Variants in EVC2 observed in about 807,000 individuals in gnomAD.
The protein encoded by EVC2 is limbin.
In EVC2, 148 loss-of-function variants were observed where a neutral mutation model predicts 149.3. The observed-to-expected ratio is 0.99, with a 90% CI of 0.87 to 1.14. The LOEUF is 1.14. Ranked by LOEUF, EVC2 falls within the 50% of genes most tolerant of loss-of-function variation. EVC2 has a pLI of 0.00. For synonymous variants in EVC2, 776 were observed against 649.9 expected, an observed-to-expected ratio of 1.19 and a Z score of -2.95; for missense variants, 1,854 against 1,627.3, an observed-to-expected ratio of 1.14 and a Z score of -2.40.
chr4:5,536,570 G>T, the EVC2 span, among the ~76,000 whole-genome samples: 150 of 152,236 alleles, frequency 9.9e-4, no homozygotes, highest in African/African-American at 3.4e-3. Context: ...AGATCACGAG[G>T]TCAGGAGATC....
intron 1 of EVC2, among the ~76,000 whole-genome samples, chr4:5,700,713 C>T (rs867851697): frequency 4.6e-5 from 7 of 152,288 alleles, no homozygotes; most frequent in African/African-American, 1.7e-4. Flanking sequence ...CCACTCTGGG[C>T]AACCGCTCCC....
intron 21 of EVC2, among the ~76,000 whole-genome samples, chr4:5,549,224 T>C (rs1220455356): frequency 2.6e-5 from 4 of 152,238 alleles, no homozygotes; most frequent in Non-Finnish European, 4.4e-5. Context: ...CAACTAGCCA[T>C]CATTGATTAG....
chr4:5,585,602 T>C (rs189499802), intron 16 of EVC2, among the ~76,000 whole-genome samples: 38 of 152,306 alleles, frequency 2.5e-4, no homozygotes, highest in African/African-American at 7.2e-4. Flanking sequence ...AACAGCTTAA[T>C]TGAGGTATAA....
intron 9 of EVC2, among the ~76,000 whole-genome samples, chr4:5,650,638 T>TATATATATATAGAGAGAGAGAG (rs1162935817): frequency 4.4e-5 from 2 of 45,088 alleles, no homozygotes; most frequent in Non-Finnish European, 8.0e-5. Context: ...TATATATATA[T>TATATATATATAGAGAGAGAGAG]AGAGAGAGAG....
intron 17 of EVC2, 54 bp downstream of exon 17, chr4:5,584,569 G>A (rs993792919): frequency 1.9e-6 from 3 of 1,544,788 alleles, no homozygotes; most frequent in African/African-American, 2.7e-5. Flanking sequence ...TGCAGAGGTA[G>A]GTACCAGAAA....
intron 10 of EVC2, among the ~76,000 whole-genome samples, chr4:5,634,406 CT>C: frequency 6.6e-6 from 1 of 152,166 alleles, no homozygotes; most frequent in Non-Finnish European, 1.5e-5. Context: ...TCAAAGCGAC[CT>C]TCTTTTTTTG....
rs1312655213 is a variant in EVC2, at chr4:5,640,392, G to A, written c.1470+122C>T. Reference sequence around the variant, plus strand: ...AGGATGAATAGATGAATGAGTGGGTGGTTGGATGGATGATGGGTAGACGGA... The same window carrying A: ...AGGATGAATAGATGAATGAGTGGGTAGTTGGATGGATGATGGGTAGACGGA... On this transcript the variant is annotated intron_variant, in intron 10 of 21. Transcript: ENST00000344408. This position sits in a 1 kb window ranked among gnomAD's most constrained non-coding sequence, Gnocchi z 4.6. The A allele has an allele frequency of 7.2e-6, 8 of 1,106,436 alleles. No homozygotes were observed. Among genetic ancestry groups the A allele is most frequent in the African/African-American group, 4.7e-5 (3 of 64,434 alleles). 68.5% of individuals were successfully genotyped at this position (1,106,436 alleles called of 1,614,324 possible).
intron 9 of EVC2, among the ~76,000 whole-genome samples, chr4:5,656,850 A>G (rs1718553564): frequency 6.6e-6 from 1 of 152,152 alleles, no homozygotes; most frequent in Admixed American, 6.5e-5. Flanking sequence ...CAACAGCCAC[A>G]GGATACTAAT....
At chr4:5,596,344 A>C (rs1713419176) in intron 16 of EVC2, among the ~76,000 whole-genome samples, 2 of 152,230 alleles carry the variant, frequency 1.3e-5, no homozygotes, top group South Asian at 4.1e-4. Flanking sequence ...GCAAATATAA[A>C]AGATCAGACA....
chr4:5,701,444 T>A (rs1303552719), intron 1 of EVC2, among the ~76,000 whole-genome samples: 1 of 152,206 alleles, frequency 6.6e-6, no homozygotes, highest in Non-Finnish European at 1.5e-5. Flanking sequence ...CCTTTCTCCC[T>A]TCCTGAAATG....
rs566678659 is a variant in EVC2, at chr4:5,593,431, T to C, written c.2830-8581A>G. Among the ~76,000 whole-genome samples the C allele has an allele frequency of 3.9e-5, 6 of 152,354 alleles. No individual in the cohort carries two copies. The South Asian group carries it at 6.2e-4, about 16-fold the overall frequency. ...TTATGCTCCTTGGTTAAATTCTTTC[T>C]TCTTAGGAGGTGAGAATTAAAGGTG... On this transcript the variant is annotated intron_variant, in intron 16 of 21. Coordinates refer to ENST00000344408, the MANE Select transcript of EVC2 (RefSeq NM_147127.5).
At chr4:5,573,107 G>A (rs1035401556) in intron 19 of EVC2, among the ~76,000 whole-genome samples, 5 of 152,170 alleles carry the variant, frequency 3.3e-5, no homozygotes, top group African/African-American at 1.2e-4. Flanking sequence ...CCCCTGCCCT[G>A]TTTGGACACT....
intron 21 of EVC2, among the ~76,000 whole-genome samples, chr4:5,543,502 A>G (rs1427427814): frequency 6.6e-6 from 1 of 152,244 alleles, no homozygotes; most frequent in Non-Finnish European, 1.5e-5. Flanking sequence ...GGTTCTTAGT[A>G]TACAGAGTAT....
At chr4:5,705,823 G>T (rs920067043) in intron 1 of EVC2, among the ~76,000 whole-genome samples, 2 of 152,046 alleles carry the variant, frequency 1.3e-5, no homozygotes, top group Admixed American at 1.3e-4. Flanking sequence ...CCCTATAATG[G>T]TTCAGTGACG....
At chr4:5,667,864 T>C (rs777959520) in intron 7 of EVC2, among the ~76,000 whole-genome samples, 16 of 152,216 alleles carry the variant, frequency 1.1e-4, no homozygotes, top group Non-Finnish European at 1.5e-4. Flanking sequence ...CAGCATAAAC[T>C]ATACTACATG....
chr4:5,630,077 T>C (rs1482112095), intron 11 of EVC2, among the ~76,000 whole-genome samples: 1 of 152,260 alleles, frequency 6.6e-6, no homozygotes, highest in African/African-American at 2.4e-5. Flanking sequence ...CCATGGCGTC[T>C]GAATACCAAG....
chr4:5,684,471 G>A (rs1720557305), intron 6 of EVC2, among the ~76,000 whole-genome samples: 1 of 152,136 alleles, frequency 6.6e-6, no homozygotes. Flanking sequence ...TCCGTGAATA[G>A]GGAAGACTTT....
chr4:5,568,503 A>G lies in EVC2; in HGVS notation c.3498T>C (p.His1166=). The change falls in exon 20 of 22, where the codon CAT becomes CAC. Residue 1166 remains histidine, a synonymous_variant. Coordinates refer to ENST00000344408, the MANE Select transcript of EVC2 (RefSeq NM_147127.5). ...CATCGCTCTCAGCTGCGTGGTCCAC[A>G]TGTCTCTCGGTGGCCGAATCCAGCA... is the stretch of plus-strand genomic sequence containing the variant. The part of the protein sequence containing the change: ...LALLDSATER[H]VDHAAESDGG... 2 of 1,586,042 alleles carry G rather than the reference A, an allele frequency of 1.3e-6. No homozygotes were observed. The highest frequency in any genetic ancestry group is 1.7e-6 in the Non-Finnish European group (2 of 1,173,336).
Position 5,566,657 on chromosome 4 carries a change from C to T in EVC2, c.3558-1298G>A, listed in dbSNP as rs578149578. On this transcript the variant is annotated intron_variant, in intron 20 of 21. Coordinates refer to ENST00000344408, the MANE Select transcript of EVC2 (RefSeq NM_147127.5). The stretch of plus-strand genomic sequence containing the variant: ...GCCTGGGACTCCAGAGTCATCCAGG[C>T]TGCCTGGCCATGAGGCTGGGCAAAG... 1.1e-4 allele frequency among the ~76,000 whole-genome samples: 17 copies of T among 152,298 alleles called. 1 individual carries two copies. The highest frequency in any genetic ancestry group is 9.8e-4 in the Admixed American group (15 of 15,306).
Sources: gnomAD v4.1 joint callset for allele counts (sites outside exome capture counted in the v4.1 genomes callset) on GRCh38, gnomAD v4.1.1 for gene constraint, Gnocchi (gnomAD v3.1) non-coding constraint, MANE v1.5 for transcripts, NCBI Gene and HGNC (gene_info 2026-07-23, HGNC 2026-07-21) for gene names.